DTNBP1: variants seen among roughly 807,000 people sequenced by gnomAD.
DTNBP1 encodes dysbindin.
Under a neutral mutation model 42.8 loss-of-function variants are expected in DTNBP1, and 35 were observed. That is an observed-to-expected ratio of 0.82 (90% confidence interval 0.63 to 1.09). DTNBP1 has a LOEUF of 1.09. Among genes scored for constraint, DTNBP1 ranks in the 50% least tolerant of loss-of-function variants. The pLI, the probability that DTNBP1 is intolerant of heterozygous loss-of-function variation, is 0.00. For missense variants in DTNBP1, 457 were observed against 424.2 expected (o/e 1.08, Z -0.68); for synonymous variants, 171 against 162.2 (o/e 1.05, Z -0.41).
chr6:15,557,694 A>G (rs1774607050), intron 7 of DTNBP1, among the ~76,000 whole-genome samples: 1 of 152,158 alleles, frequency 6.6e-6, no homozygotes, highest in Non-Finnish European at 1.5e-5. Context: ...CTAAGCTACA[A>G]AAAAGAGGCA....
Position 15,627,561 on chromosome 6 carries a change from C to T in DTNBP1, c.223-86G>A, listed in dbSNP as rs1759424068. On this transcript the variant is annotated intron_variant, in intron 4 of 9. Transcript: ENST00000344537. ...TTAACGTAATGAGATTTAATGTTAT[C>T]TTTAACAACCCCTCTACTCAGTAGA... is the stretch of plus-strand genomic sequence containing the variant. 5 of 1,556,576 alleles carry T rather than the reference C, an allele frequency of 3.2e-6. No individual in the cohort carries two copies. In the Admixed American group the frequency reaches 8.9e-5, roughly 28 times the overall value.
chr6:15,657,648 C>T (rs759795054), intron 1 of DTNBP1, among the ~76,000 whole-genome samples: 4 of 152,170 alleles, frequency 2.6e-5, no homozygotes, highest in Non-Finnish European at 4.4e-5. Context: ...AACTTATGGC[C>T]GTCTAGATAT....
intron 7 of DTNBP1, among the ~76,000 whole-genome samples, chr6:15,551,577 G>A (rs577616362): frequency 6.6e-6 from 1 of 152,152 alleles, no homozygotes; most frequent in East Asian, 1.9e-4. Context: ...CCACATCTCA[G>A]CTCGACTGCC....
chr6:15,623,301 G>T (rs1759149108), intron 5 of DTNBP1, among the ~76,000 whole-genome samples: 1 of 152,146 alleles, frequency 6.6e-6, no homozygotes, highest in Non-Finnish European at 1.5e-5. Flanking sequence ...AAATAATACT[G>T]TATCAGGCTA....
chr6:15,561,367 T>C (rs550212842), intron 7 of DTNBP1, among the ~76,000 whole-genome samples: 5 of 152,242 alleles, frequency 3.3e-5, no homozygotes, highest in Non-Finnish European at 7.3e-5. Flanking sequence ...TATACTGTCA[T>C]TGTGCTCTTT....
In DTNBP1 at chr6:15,627,439, A is replaced by G; in HGVS notation, c.259T>C (p.Trp87Arg). The G allele has an allele frequency of 6.2e-7, 1 of 1,614,036 alleles. No homozygotes were observed. Among genetic ancestry groups the G allele is most frequent in the Non-Finnish European group, 8.5e-7 (1 of 1,179,980 alleles). The change falls in exon 5 of 10, where the codon TGG (tryptophan) becomes CGG (arginine). Residue 87 changes from tryptophan (W) to arginine (R), a missense_variant. Physicochemically the swap from Trp to Arg is moderately radical, Grantham distance 101. Coordinates refer to ENST00000344537, the MANE Select transcript of DTNBP1 (RefSeq NM_032122.5). ...DSEVVMLSAH[W>R]EKKKTSLVEL... ...ACGAGGCTTGTCTTTTTCTTCTCCC[A>G]GTGCGCAGAAAGCATGACCACCTCG...
chr6:15,587,009 G>A lies in DTNBP1; in HGVS notation c.511+6050C>T, dbSNP rs892539197. 2.0e-5 allele frequency among the ~76,000 whole-genome samples: 3 copies of A among 151,974 alleles called. No homozygotes were observed. The highest frequency in any genetic ancestry group is 4.4e-5 in the Non-Finnish European group (3 of 68,004). On this transcript the variant is annotated intron_variant, in intron 7 of 9. Transcript: ENST00000344537. This position sits in a 1 kb window ranked among gnomAD's most constrained non-coding sequence, Gnocchi z 4.1. ...TTTCATTCTGCCCTGTTGTTTGTGG[G>A]CAACGTCATCCAAACCCCGGGCTTC...
Position 15,532,681 on chromosome 6 carries a change from A to T in DTNBP1, c.667+559T>A, listed in dbSNP as rs1485598252. 2.1e-5 allele frequency among the ~76,000 whole-genome samples: 3 copies of T among 145,912 alleles called. No homozygotes were observed. In the Admixed American group the frequency reaches 2.1e-4, roughly 10 times the overall value. On this transcript the variant is annotated intron_variant, in intron 8 of 9. Coordinates refer to ENST00000344537, the MANE Select transcript of DTNBP1 (RefSeq NM_032122.5). ...AATTTTGCAGGTTCTCTAGAAGCAT[A>T]ATTTGTGTTTGTAATCTTTTTTTTT...
At chr6:15,530,353 G>A (rs1475201299) in intron 8 of DTNBP1, among the ~76,000 whole-genome samples, 1 of 152,130 alleles carries the variant, frequency 6.6e-6, no homozygotes, top group Non-Finnish European at 1.5e-5. Context: ...GCCCAGGGCC[G>A]CCAATTTTCT....
At chr6:15,661,212 G>T (rs761305319) in intron 1 of DTNBP1, among the ~76,000 whole-genome samples, 1 of 152,204 alleles carries the variant, frequency 6.6e-6, no homozygotes, top group African/African-American at 2.4e-5. Context: ...AACGAGGCTG[G>T]GCGCAGTGAC....
intron 3 of DTNBP1, among the ~76,000 whole-genome samples, chr6:15,645,655 T>C (rs149669190): frequency 2.6e-5 from 4 of 152,070 alleles, no homozygotes; most frequent in African/African-American, 9.7e-5. Flanking sequence ...ATGAATGTGA[T>C]TTACCACATA....
In DTNBP1 at chr6:15,593,642, TTAAG is replaced by T. The variant is rs1776388361; in HGVS notation, c.489-565_489-562del. Among the ~76,000 whole-genome samples, 4 of 152,310 alleles carry T rather than the reference TTAAG, an allele frequency of 2.6e-5. No homozygotes were observed. The South Asian group carries it at 6.2e-4, about 24-fold the overall frequency. On this transcript the variant is annotated intron_variant, in intron 6 of 9. Coordinates refer to ENST00000344537, the MANE Select transcript of DTNBP1 (RefSeq NM_032122.5). ...CTTCTGGTTTATTATTTTGTCAATA[TTAAG>T]TAAGGATGCCAAAACACAAAGTTTC...
intron 7 of DTNBP1, among the ~76,000 whole-genome samples, chr6:15,556,386 T>C (rs989092185): frequency 1.3e-5 from 2 of 152,086 alleles, no homozygotes; most frequent in Non-Finnish European, 2.9e-5. Context: ...TTCACCATGT[T>C]GGCCAGGCTG....
intron 7 of DTNBP1, among the ~76,000 whole-genome samples, chr6:15,579,120 C>T (rs989515949): frequency 5.3e-5 from 8 of 152,090 alleles, no homozygotes; most frequent in African/African-American, 1.7e-4. Context: ...GCACTATTTA[C>T]AAAAGCCAAG....
At chr6:15,566,443 T>C (rs2743552) in intron 7 of DTNBP1, among the ~76,000 whole-genome samples, 18,953 of 151,936 alleles carry the variant, frequency 0.12, 1,487 homozygotes, top group African/African-American at 0.22. Flanking sequence ...GGGTCAGGCA[T>C]GCCTCATCAT....
intron 8 of DTNBP1, among the ~76,000 whole-genome samples, chr6:15,527,951 ATAGAG>A (rs1312899102): frequency 3.3e-5 from 5 of 152,216 alleles, no homozygotes; most frequent in Admixed American, 3.3e-4. Flanking sequence ...AACTCTTCAA[ATAGAG>A]TAGTCACTGG....
chr6:15,656,301 T>C (rs1761276208), intron 1 of DTNBP1, among the ~76,000 whole-genome samples: 1 of 152,140 alleles, frequency 6.6e-6, no homozygotes, highest in African/African-American at 2.4e-5. Flanking sequence ...CATATTAATA[T>C]ATAGACTAAG....
Position 15,524,545 on chromosome 6 carries a change from A to G in DTNBP1, c.792T>C (p.Thr264=). 6.2e-7 allele frequency: 1 copy of G among 1,609,618 alleles called. No individual in the cohort carries two copies. Among genetic ancestry groups the G allele is most frequent in the Non-Finnish European group, 8.5e-7 (1 of 1,177,164 alleles). ...VFLNSGGEEN[T]VLSPALGPES... Reference sequence around the variant, plus strand: ...CCCTACCTAAGGCGGGGGACAGCACAGTGTTCTCTTCTCCTCCAGAGTTCA... The same window carrying G: ...CCCTACCTAAGGCGGGGGACAGCACGGTGTTCTCTTCTCCTCCAGAGTTCA... Residue 264 remains threonine, a synonymous_variant, in exon 9 of 10, where the codon ACT becomes ACC. Coordinates refer to ENST00000344537, the MANE Select transcript of DTNBP1 (RefSeq NM_032122.5).
intron 7 of DTNBP1, among the ~76,000 whole-genome samples, chr6:15,550,551 T>A (rs1581306022): frequency 6.6e-6 from 1 of 152,342 alleles, no homozygotes; most frequent in African/African-American, 2.4e-5. Context: ...TCTAAAAGGT[T>A]CAGTGACAGC....
Sources: gnomAD v4.1 joint callset for allele counts (sites outside exome capture counted in the v4.1 genomes callset) on GRCh38, gnomAD v4.1.1 for gene constraint, Gnocchi (gnomAD v3.1) non-coding constraint, MANE v1.5 for transcripts, NCBI Gene and HGNC (gene_info 2026-07-23, HGNC 2026-07-21) for gene names.